TEAD4: variants seen among roughly 807,000 people sequenced by gnomAD.
The protein encoded by TEAD4 is TEA domain transcription factor 4.
Under a neutral mutation model 52.4 loss-of-function variants are expected in TEAD4, and 36 were observed. The observed-to-expected ratio is 0.69, with a 90% CI of 0.53 to 0.91. The LOEUF (loss-of-function observed/expected upper bound fraction) is 0.91, where lower values mean the gene tolerates loss of function less well. Among genes scored for constraint, TEAD4 ranks in the 40% least tolerant of loss-of-function variants. The pLI, the probability that TEAD4 is intolerant of heterozygous loss-of-function variation, is 0.00. For synonymous variants in TEAD4, 220 were observed against 231.0 expected (o/e 0.95, Z 0.43); for missense variants, 508 against 583.9 (o/e 0.87, Z 1.34).
At chr12:2,982,750 C>T (rs1342212445) in intron 2 of TEAD4, among the ~76,000 whole-genome samples, 1 of 152,210 alleles carries the variant, frequency 6.6e-6, no homozygotes, top group Non-Finnish European at 1.5e-5. Flanking sequence ...CTTGGATGAC[C>T]TGCTGCCCTG....
intron 3 of TEAD4, among the ~76,000 whole-genome samples, chr12:3,006,326 A>G (rs531214051): frequency 1.7e-4 from 26 of 152,326 alleles, no homozygotes; most frequent in African/African-American, 6.0e-4. Context: ...ATTTGAAAAA[A>G]ACCCCAAATC....
chr12:2,991,910 G>A (rs889170177), intron 2 of TEAD4, among the ~76,000 whole-genome samples: 1 of 151,926 alleles, frequency 6.6e-6, no homozygotes, highest in Non-Finnish European at 1.5e-5. Context: ...GCCTCACTGC[G>A]CGACCTTGGG....
chr12:2,971,766 C>T (rs1030186890), intron 2 of TEAD4, among the ~76,000 whole-genome samples: 16 of 150,326 alleles, frequency 1.1e-4, no homozygotes, highest in Non-Finnish European at 1.6e-4. Flanking sequence ...TGAGCCACCC[C>T]GCCTGGCTGT....
At chr12:3,022,110 T>G (rs1218653401) in intron 10 of TEAD4, 93 bp downstream of exon 10, 1 of 1,507,640 alleles carries the variant, frequency 6.6e-7, no homozygotes, top group Non-Finnish European at 9.0e-7. Flanking sequence ...CTTGTCACAG[T>G]AGAAACTTGG....
At chr12:2,976,700 A>G (rs574739276) in intron 2 of TEAD4, among the ~76,000 whole-genome samples, 2 of 105,468 alleles carry the variant, frequency 1.9e-5, no homozygotes, top group South Asian at 2.4e-4. Flanking sequence ...CCTCCCTGAG[A>G]GCTGAGGAGA....
chr12:3,028,168 T>G (rs1428318521), intron 10 of TEAD4, among the ~76,000 whole-genome samples: 6 of 152,350 alleles, frequency 3.9e-5, no homozygotes, highest in African/African-American at 1.4e-4. Context: ...ACGTTCCTTT[T>G]TATGGCCAAA....
intron 2 of TEAD4, among the ~76,000 whole-genome samples, chr12:2,989,567 T>A (rs1456371106): frequency 6.6e-6 from 1 of 152,056 alleles, no homozygotes; most frequent in Non-Finnish European, 1.5e-5. Context: ...GCCTCCCAAG[T>A]AGCTGGGATG....
chr12:2,998,646 TCA>T (rs2098249188), intron 3 of TEAD4, among the ~76,000 whole-genome samples: 1 of 151,918 alleles, frequency 6.6e-6, no homozygotes, highest in Non-Finnish European at 1.5e-5. Context: ...TTCGGTCCTT[TCA>T]ACGGTCCCTT....
At chr12:2,985,826 C>T (rs2098237961) in intron 2 of TEAD4, among the ~76,000 whole-genome samples, 1 of 152,118 alleles carries the variant, frequency 6.6e-6, no homozygotes, top group Non-Finnish European at 1.5e-5. Context: ...TGGCTCACGC[C>T]TGTAATCCCA....
chr12:2,997,540 A>AG (rs2098248188), intron 3 of TEAD4, among the ~76,000 whole-genome samples: 1 of 146,750 alleles, frequency 6.8e-6, no homozygotes, highest in Non-Finnish European at 1.5e-5. Flanking sequence ...GAGAAAGGGC[A>AG]GGGGGAGTGT....
chr12:3,028,799 T>A (rs2098273642), intron 10 of TEAD4, among the ~76,000 whole-genome samples: 1 of 151,984 alleles, frequency 6.6e-6, no homozygotes, highest in Non-Finnish European at 1.5e-5. Context: ...CCCAGCTCAT[T>A]TTTGTATTTT....
chr12:2,961,748 G>A (rs771302211), intron 2 of TEAD4, among the ~76,000 whole-genome samples: 6 of 152,206 alleles, frequency 3.9e-5, no homozygotes, highest in Non-Finnish European at 8.8e-5. Context: ...GTTGTATCCA[G>A]TGTTTCCTTC....
At chr12:3,006,151 A>G (rs2098255772) in intron 3 of TEAD4, among the ~76,000 whole-genome samples, 1 of 152,256 alleles carries the variant, frequency 6.6e-6, no homozygotes, top group African/African-American at 2.4e-5. Flanking sequence ...CCATAAATAC[A>G]GGTTGAGCAT....
intron 2 of TEAD4, among the ~76,000 whole-genome samples, chr12:2,967,736 A>G (rs2098221584): frequency 6.6e-6 from 1 of 152,118 alleles, no homozygotes; most frequent in African/African-American, 2.4e-5. Context: ...ATCTCATTTC[A>G]TCCTCTCAGC....
intron 11 of TEAD4, among the ~76,000 whole-genome samples, chr12:3,039,869 T>C (rs113821332): frequency 4.2e-4 from 64 of 152,302 alleles, no homozygotes; most frequent in African/African-American, 1.4e-3. Flanking sequence ...TGTATTTTAA[T>C]AGTAACAAGG....
At chr12:3,018,416 C>G in intron 6 of TEAD4, 129 bp from the exon 7 acceptor site, 1 of 1,020,128 alleles carries the variant, frequency 9.8e-7, no homozygotes, top group Non-Finnish European at 1.5e-6. Flanking sequence ...CATTCACTAG[C>G]TAGGCGAGGC....
intron 3 of TEAD4, among the ~76,000 whole-genome samples, chr12:3,008,381 A>G (rs1042274544): frequency 6.6e-6 from 1 of 152,100 alleles, no homozygotes; most frequent in African/African-American, 2.4e-5. Context: ...TTTAGGATGG[A>G]TCGGGTAGAC....
chr12:2,981,704 A>G (rs1297444082), intron 2 of TEAD4, among the ~76,000 whole-genome samples: 3 of 152,190 alleles, frequency 2.0e-5, no homozygotes, highest in South Asian at 2.1e-4. Flanking sequence ...GAATTAAATT[A>G]GTACTGAGGC....
At chr12:2,990,229 A>G (rs1046840935) in intron 2 of TEAD4, among the ~76,000 whole-genome samples, 2 of 152,136 alleles carry the variant, frequency 1.3e-5, no homozygotes, top group Admixed American at 6.6e-5. Context: ...TTTTGATAAT[A>G]TCTTATTCTT....
Sources: gnomAD v4.1 joint callset for allele counts (sites outside exome capture counted in the v4.1 genomes callset) on GRCh38, gnomAD v4.1.1 for gene constraint, MANE v1.5 for transcripts, NCBI Gene and HGNC (gene_info 2026-07-23, HGNC 2026-07-21) for gene names.